Variants in ZNF165 observed in about 807,000 individuals in gnomAD.
The protein encoded by ZNF165 is zinc finger protein 165.
In ZNF165, 14 loss-of-function variants were observed where a neutral mutation model predicts 19.6. The ratio of observed to expected loss-of-function variants is 0.71; its 90% CI spans 0.47 to 1.12. The LOEUF is 1.12. Ranked by LOEUF, ZNF165 falls within the 50% of genes most tolerant of loss-of-function variation. The pLI is 0.00. For synonymous variants in ZNF165, 165 were observed against 195.0 expected (o/e 0.85, Z 1.28); for missense variants, 504 against 566.3 (o/e 0.89, Z 1.12).
chr6:28,088,153 TTC>T (rs1213618732), intron 3 of ZNF165, among the ~76,000 whole-genome samples: 6 of 152,202 alleles, frequency 3.9e-5, no homozygotes, highest in Non-Finnish European at 8.8e-5. Context: ...AGCTTTACTT[TTC>T]TCTCTTGTGT....
In ZNF165 at chr6:28,085,690, C is replaced by T. The variant is rs1764257842; in HGVS notation, c.210C>T (p.Leu70=). ...GACCTCGCGAGGCACTGAGCCGCCTCCGGGAGCTCTGCTGTCAGTGGCTGA... is the reference window on the plus strand; with the variant it reads ...GACCTCGCGAGGCACTGAGCCGCCTTCGGGAGCTCTGCTGTCAGTGGCTGA... ...SPGPREALSR[L]RELCCQWLKP... Residue 70 remains leucine, a synonymous_variant, in exon 2 of 4, where the codon CTC becomes CTT. Coordinates refer to ENST00000683778, the MANE Select transcript of ZNF165 (RefSeq NM_001376491.1). 1.2e-6 allele frequency: 2 copies of T among 1,613,980 alleles called. No homozygotes were observed. Among genetic ancestry groups the T allele is most frequent in the Non-Finnish European group, 1.7e-6 (2 of 1,180,048 alleles).
chr6:28,082,426 A>C (rs900243455), intron 1 of ZNF165, among the ~76,000 whole-genome samples: 1 of 152,176 alleles, frequency 6.6e-6, no homozygotes, highest in East Asian at 1.9e-4. Context: ...CAGAGCTGAG[A>C]GCCTTGAACA....
chr6:28,083,381 C>T (rs1217907173), intron 1 of ZNF165, among the ~76,000 whole-genome samples: 1 of 152,190 alleles, frequency 6.6e-6, no homozygotes, highest in African/African-American at 2.4e-5. Flanking sequence ...TCCACCAGTT[C>T]CAATCAGTAG....
chr6:28,082,753 C>G (rs941088939), intron 1 of ZNF165, among the ~76,000 whole-genome samples: 1 of 152,174 alleles, frequency 6.6e-6, no homozygotes, highest in Non-Finnish European at 1.5e-5. Context: ...GATTTGGGGG[C>G]CTGTTCCCAA....
intron 1 of ZNF165, among the ~76,000 whole-genome samples, chr6:28,081,856 C>G (rs1764163275): frequency 6.6e-6 from 1 of 152,188 alleles, no homozygotes; most frequent in Admixed American, 6.5e-5. Flanking sequence ...AAGCTACCAG[C>G]TTTAGGGGGA....
intron 1 of ZNF165, among the ~76,000 whole-genome samples, chr6:28,084,551 C>T (rs774301519): frequency 9.2e-5 from 14 of 151,990 alleles, no homozygotes; most frequent in Non-Finnish European, 2.1e-4. Context: ...CCTAGCTACT[C>T]AGGAGGCTGA....
chr6:28,089,163 G>A lies in ZNF165; in HGVS notation c.1151G>A (p.Ser384Asn), dbSNP rs769799829. 91 of 1,614,080 alleles carry A rather than the reference G, an allele frequency of 5.6e-5. No individual in the cohort carries two copies. Among genetic ancestry groups the A allele is most frequent in the Non-Finnish European group, 7.2e-5 (85 of 1,180,042 alleles). ...CNECGKSFAE[S>N]SDLTRHRRIH... ...GAATGTGGGAAAAGCTTTGCAGAGAGCTCAGATCTTACTAGACATCGGCGA... is the reference window on the plus strand; with the variant it reads ...GAATGTGGGAAAAGCTTTGCAGAGAACTCAGATCTTACTAGACATCGGCGA... The change falls in exon 4 of 4, where the codon AGC (serine) becomes AAC (asparagine). Residue 384 changes from serine (S) to asparagine (N), a missense_variant. Coordinates refer to ENST00000683778, the MANE Select transcript of ZNF165 (RefSeq NM_001376491.1).
chr6:28,087,336 C>A (rs1337041769), intron 3 of ZNF165, among the ~76,000 whole-genome samples: 4 of 152,194 alleles, frequency 2.6e-5, no homozygotes, highest in African/African-American at 9.7e-5. Context: ...ACCTCCACCT[C>A]CTGGGTTCAA....
chr6:28,085,938 C>A, intron 2 of ZNF165, 47 bp downstream of exon 2: 1 of 1,587,888 alleles, frequency 6.3e-7, no homozygotes. Flanking sequence ...GGATAAAGTT[C>A]CACGGTGGGA....
At position 28,085,919 on chromosome 6, in the gene ZNF165, C is replaced by A. The variant is rs10946951; in HGVS notation, c.411+28C>A. 7.7e-4 allele frequency: 1,224 copies of A among 1,596,446 alleles called. 5 individuals carry two copies. The African/African-American group carries it at 0.014, about 18-fold the overall frequency. On this transcript the variant is annotated intron_variant, in intron 2 of 3. Transcript: ENST00000683778. The stretch of plus-strand genomic sequence containing the variant: ...GCACAGGGGATGGGAGATCTAAGAC[C>A]TCCATAATGGATAAAGTTCCACGGT...
Position 28,086,317 on chromosome 6 carries a change from G to T in ZNF165, c.550+7G>T. On this transcript the variant is annotated splice_region_variant and intron_variant, in intron 3 of 3. Coordinates refer to ENST00000683778, the MANE Select transcript of ZNF165 (RefSeq NM_001376491.1). ...CAGCTCCTATGGGACTGTGGTGAGG[G>T]GCAGAATGCCATATAGTGCACATCA... 1 of 1,610,976 alleles carries T rather than the reference G, an allele frequency of 6.2e-7. No homozygotes were observed. Among genetic ancestry groups the T allele is most frequent in the Non-Finnish European group, 8.5e-7 (1 of 1,179,032 alleles).
intron 1 of ZNF165, among the ~76,000 whole-genome samples, chr6:28,084,369 C>T (rs550530190): frequency 1.3e-5 from 2 of 152,170 alleles, no homozygotes; most frequent in Non-Finnish European, 2.9e-5. Flanking sequence ...AAAAGAACCT[C>T]AGGCCGGGCA....
Position 28,087,385 on chromosome 6 carries a change from A to T in ZNF165, c.550+1075A>T, listed in dbSNP as rs562427367. ...CTCAGCCTCCCGAGTAGCTGAGATT[A>T]CATGTGCCTGCCACCATGCCCGGCT... On this transcript the variant is annotated intron_variant, in intron 3 of 3. Coordinates refer to ENST00000683778, the MANE Select transcript of ZNF165 (RefSeq NM_001376491.1). Among the ~76,000 whole-genome samples, 22 of 152,218 alleles carry T rather than the reference A, an allele frequency of 1.4e-4. No homozygotes were observed. In the South Asian group the frequency reaches 3.5e-3, roughly 24 times the overall value.
intron 1 of ZNF165, among the ~76,000 whole-genome samples, chr6:28,082,188 C>A (rs1764171743): frequency 6.6e-6 from 1 of 151,762 alleles, no homozygotes. Flanking sequence ...TTTGTTCTTA[C>A]TTATACTCAA....
In ZNF165 at chr6:28,086,170, A is replaced by G. The variant is rs955508581; in HGVS notation, c.412-2A>G. On this transcript the variant is annotated splice_acceptor_variant, in intron 2 of 3. Coordinates refer to ENST00000683778, the MANE Select transcript of ZNF165 (RefSeq NM_001376491.1). LOFTEE classifies it high-confidence loss of function. ...AGCCCAAATGTACTTTATTTTTCTC[A>G]GGTTCAAGCCCATGAACATGGACAA... The G allele has an allele frequency of 2.5e-6, 4 of 1,608,138 alleles. No homozygotes were observed. The highest frequency in any genetic ancestry group is 3.4e-6 in the Non-Finnish European group (4 of 1,178,286).
Position 28,085,795 on chromosome 6 carries a change from G to T in ZNF165, c.315G>T (p.Leu105Phe), listed in dbSNP as rs145319898. 8.0e-5 allele frequency: 129 copies of T among 1,613,814 alleles called. No homozygotes were observed. In the African/African-American group the frequency reaches 1.4e-3, roughly 18 times the overall value. ...TCCTGACCATCCTGCCAGGAGATTT[G>T]CAGGCCTGGGTACATGAACATTACC... ...EQFLTILPGD[L>F]QAWVHEHYPE... The change falls in exon 2 of 4, where the codon TTG (leucine) becomes TTT (phenylalanine). Residue 105 changes from leucine to phenylalanine, a missense_variant. Leu to Phe is a conservative substitution (Grantham distance 22). Transcript: ENST00000683778.
chr6:28,086,540 G>A (rs540022909), intron 3 of ZNF165, among the ~76,000 whole-genome samples: 1 of 152,310 alleles, frequency 6.6e-6, no homozygotes, highest in South Asian at 2.1e-4. Context: ...CTAACATGGT[G>A]AAACCCCATC....
At chr6:28,084,173 G>C (rs1469934847) in intron 1 of ZNF165, among the ~76,000 whole-genome samples, 9 of 152,130 alleles carry the variant, frequency 5.9e-5, no homozygotes, top group Admixed American at 2.0e-4. Flanking sequence ...CCAGAGGTAG[G>C]GCCCAAGAAC....
Position 28,089,532 on chromosome 6 carries a change from A to T in ZNF165, c.*62A>T, listed in dbSNP as rs1764386361. The T allele has an allele frequency of 1.4e-6, 2 of 1,429,170 alleles. No individual in the cohort carries two copies. Among genetic ancestry groups the T allele is most frequent in the African/African-American group, 1.4e-5 (1 of 69,176 alleles). 88.5% of individuals were successfully genotyped at this position (1,429,170 alleles called of 1,614,324 possible). On this transcript the variant is annotated 3_prime_UTR_variant, in exon 4 of 4. Coordinates refer to ENST00000683778, the MANE Select transcript of ZNF165 (RefSeq NM_001376491.1). ...CACAATATGAAAAATATTAAATAAA[A>T]AATAAATATTGGGCAAGATGGAAGA...
Sources: allele counts gnomAD v4.1 joint callset (sites outside exome capture counted in the v4.1 genomes callset), GRCh38; gene constraint gnomAD v4.1.1; transcripts MANE v1.5; gene names NCBI Gene and HGNC (gene_info 2026-07-23, HGNC 2026-07-21).